The following EIPR1 variants were observed in gnomAD, a reference collection of about 807,000 sequenced individuals.
The protein encoded by EIPR1 is EARP and GARP complex-interacting protein 1.
Under a neutral mutation model 48.1 loss-of-function variants are expected in EIPR1, and 25 were observed. That is an observed-to-expected ratio of 0.52 (90% CI 0.38 to 0.73). The LOEUF is 0.73. Ranked by LOEUF, EIPR1 falls within the 30% of genes least tolerant of loss-of-function variation. The pLI, the probability that EIPR1 is intolerant of heterozygous loss-of-function variation, is 0.00. For missense variants in EIPR1, 415 were observed against 506.2 expected (o/e 0.82, Z 1.73); for synonymous variants, 204 against 201.9 (o/e 1.01, Z -0.09).
At chr2:3,206,505 C>T (rs1665241763) in intron 5 of EIPR1, among the ~76,000 whole-genome samples, 1 of 152,254 alleles carries the variant, frequency 6.6e-6, no homozygotes, top group African/African-American at 2.4e-5. Context: ...AAAATGTACA[C>T]AGGGCATCAG....
rs904181856 is a variant in EIPR1 at position 3,234,250 on chromosome 2, A to G, written c.417-20002T>C. Reference sequence around the variant, plus strand: ...AATAAATTGTGGTTTGTGTCGCTCAATGTCACTGGCTGAAAATACCTAATA... The same window carrying G: ...AATAAATTGTGGTTTGTGTCGCTCAGTGTCACTGGCTGAAAATACCTAATA... On this transcript the variant is annotated intron_variant, in intron 4 of 8. Coordinates refer to ENST00000382125, the MANE Select transcript of EIPR1 (RefSeq NM_003310.5). Among the ~76,000 whole-genome samples, 4 of 152,350 alleles carry G rather than the reference A, an allele frequency of 2.6e-5. No homozygotes were observed. The East Asian group carries it at 7.7e-4, about 29-fold the overall frequency.
chr2:3,216,299 T>G (rs901972284), intron 4 of EIPR1, among the ~76,000 whole-genome samples: 6 of 152,024 alleles, frequency 3.9e-5, no homozygotes, highest in Non-Finnish European at 8.8e-5. Flanking sequence ...CCAGCAGATC[T>G]CACTTATAAC....
At chr2:3,330,800 G>C (rs1669867659) in intron 3 of EIPR1, among the ~76,000 whole-genome samples, 1 of 148,350 alleles carries the variant, frequency 6.7e-6, no homozygotes, top group Non-Finnish European at 1.5e-5. Context: ...CACGAGAATG[G>C]TGTGAGCAGA....
intron 3 of EIPR1, among the ~76,000 whole-genome samples, chr2:3,292,856 T>C (rs1668410173): frequency 6.6e-6 from 1 of 150,682 alleles, no homozygotes; most frequent in East Asian, 1.9e-4. Flanking sequence ...CAAAAATGTT[T>C]TGAAAAAAAA....
rs1433478948 is a variant in EIPR1 at position 3,189,538 on chromosome 2, C to T, written c.990-30G>A. On this transcript the variant is annotated intron_variant, in intron 8 of 8. Transcript: ENST00000382125. This position sits in a 1 kb window ranked among gnomAD's most constrained non-coding sequence, Gnocchi z 4.6. ...AATGCAACAGAGGCAGACGTGAGCGCAGCAGCTCCGGCGGGGCGGGCAGGA... is the reference window on the plus strand; with the variant it reads ...AATGCAACAGAGGCAGACGTGAGCGTAGCAGCTCCGGCGGGGCGGGCAGGA... 1 of 1,514,094 alleles carries T rather than the reference C, an allele frequency of 6.6e-7. No individual in the cohort carries two copies. Among genetic ancestry groups the T allele is most frequent in the Non-Finnish European group, 9.0e-7 (1 of 1,117,220 alleles). 93.8% of individuals were successfully genotyped at this position (1,514,094 alleles called of 1,614,324 possible). A position where few individuals can be genotyped will look rare whatever the true frequency, so the allele number is the denominator to read the frequency against.
intron 3 of EIPR1, among the ~76,000 whole-genome samples, chr2:3,299,647 C>CAT (rs1668709965): frequency 6.6e-6 from 1 of 151,810 alleles, no homozygotes; most frequent in Admixed American, 6.6e-5. Context: ...CACACACACA[C>CAT]ACACACACAC....
intron 3 of EIPR1, among the ~76,000 whole-genome samples, chr2:3,272,650 A>G (rs945153977): frequency 2.0e-5 from 3 of 152,224 alleles, no homozygotes; most frequent in Admixed American, 1.3e-4. Context: ...TACAATAGGA[A>G]CATCAAAGAA....
At chr2:3,194,679 T>C (rs1396063910) in intron 6 of EIPR1, among the ~76,000 whole-genome samples, 3 of 118,440 alleles carry the variant, frequency 2.5e-5, no homozygotes, top group Non-Finnish European at 5.1e-5. Context: ...ACTATATATA[T>C]ACAGAGAGAG....
intron 4 of EIPR1, among the ~76,000 whole-genome samples, chr2:3,248,926 A>C (rs1666922937): frequency 6.6e-6 from 1 of 152,200 alleles, no homozygotes; most frequent in African/African-American, 2.4e-5. Context: ...TGCTGCTGCC[A>C]TGCTTCCTGT....
chr2:3,193,726 C>T (rs1021829636), intron 7 of EIPR1, among the ~76,000 whole-genome samples: 6 of 152,146 alleles, frequency 3.9e-5, no homozygotes, highest in East Asian at 1.9e-4. Context: ...AATAATGTTG[C>T]GTGAACATCT....
intron 3 of EIPR1, among the ~76,000 whole-genome samples, chr2:3,258,409 T>C (rs984978876): frequency 1.3e-5 from 2 of 152,350 alleles, no homozygotes; most frequent in African/African-American, 4.8e-5. Context: ...TGGCCTTTAA[T>C]GAATAATCAT....
At chr2:3,223,251 G>A (rs1010862862) in intron 4 of EIPR1, among the ~76,000 whole-genome samples, 1 of 152,150 alleles carries the variant, frequency 6.6e-6, no homozygotes, top group African/African-American at 2.4e-5. Context: ...GATCCACAAA[G>A]GTCGCTGGGA....
chr2:3,351,131 G>A (rs1054129585), intron 2 of EIPR1, among the ~76,000 whole-genome samples: 4 of 151,834 alleles, frequency 2.6e-5, no homozygotes, highest in Non-Finnish European at 4.4e-5. Flanking sequence ...CTTCCAAGTA[G>A]CTGGGATTAC....
At chr2:3,236,429 C>A (rs1312399396) in intron 4 of EIPR1, among the ~76,000 whole-genome samples, 1 of 152,196 alleles carries the variant, frequency 6.6e-6, no homozygotes, top group Admixed American at 6.5e-5. Flanking sequence ...GAGCTCAGCC[C>A]AGGTGATGAC....
At chr2:3,315,121 ACAC>A (rs1242373638) in intron 3 of EIPR1, among the ~76,000 whole-genome samples, 1 of 127,654 alleles carries the variant, frequency 7.8e-6, no homozygotes, top group African/African-American at 3.3e-5. Flanking sequence ...ACCTCCGTCC[ACAC>A]CACCATCATC....
chr2:3,226,530 T>C (rs1204232348), intron 4 of EIPR1, among the ~76,000 whole-genome samples: 2 of 152,268 alleles, frequency 1.3e-5, no homozygotes, highest in African/African-American at 2.4e-5. Context: ...TAATCCCTTA[T>C]TGGATATATG....
At chr2:3,268,449 G>A (rs889068795) in intron 3 of EIPR1, among the ~76,000 whole-genome samples, 12 of 152,202 alleles carry the variant, frequency 7.9e-5, no homozygotes, top group South Asian at 2.1e-4. Context: ...ACAGTGGGCC[G>A]AGGTCTGCGT....
intron 5 of EIPR1, among the ~76,000 whole-genome samples, chr2:3,203,508 G>C (rs968498494): frequency 2.6e-5 from 4 of 152,266 alleles, no homozygotes; most frequent in Non-Finnish European, 1.5e-5. Flanking sequence ...ACAGCACTGA[G>C]TCGGACAGGA....
chr2:3,323,073 T>C (rs1253698064), intron 3 of EIPR1, among the ~76,000 whole-genome samples: 5 of 151,502 alleles, frequency 3.3e-5, no homozygotes, highest in African/African-American at 1.2e-4. Flanking sequence ...GCAGATAAGC[T>C]AATCTTATAT....
Sources: gnomAD v4.1 joint callset for allele counts (sites outside exome capture counted in the v4.1 genomes callset) on GRCh38, gnomAD v4.1.1 for gene constraint, Gnocchi (gnomAD v3.1) non-coding constraint, MANE v1.5 for transcripts, NCBI Gene and HGNC (gene_info 2026-07-23, HGNC 2026-07-21) for gene names.